Variants in GLIS3 observed in about 807,000 individuals in gnomAD.
GLIS3 encodes GLIS family zinc finger 3.
GLIS3 carries 53 observed loss-of-function variants against 78.6 expected under a neutral mutation model. The ratio of observed to expected loss-of-function variants is 0.67; its 90% confidence interval spans 0.54 to 0.85. The LOEUF (loss-of-function observed/expected upper bound fraction) is 0.85, where lower values mean the gene tolerates loss of function less well. Among genes scored for constraint, GLIS3 ranks in the 40% least tolerant of loss-of-function variants. The pLI, the probability that GLIS3 is intolerant of heterozygous loss-of-function variation, is 0.00. For synonymous variants in GLIS3, 684 were observed against 509.9 expected (o/e 1.34, Z -4.60); for missense variants, 1,703 against 1,231.1 (o/e 1.38, Z -5.74).
intron 6 of GLIS3, among the ~76,000 whole-genome samples, chr9:3,904,790 T>A (rs545073296): frequency 6.6e-6 from 1 of 152,218 alleles, no homozygotes; most frequent in South Asian, 2.1e-4. Context: ...AGATGAGAAA[T>A]CTAAAATAAA....
chr9:3,845,176 A>G (rs934551873), intron 9 of GLIS3, among the ~76,000 whole-genome samples: 7 of 152,200 alleles, frequency 4.6e-5, no homozygotes, highest in African/African-American at 1.2e-4. Context: ...ATGTTCATCA[A>G]TAAGGGAATG....
At chr9:4,453,121 G>A in the GLIS3 span, among the ~76,000 whole-genome samples, 2 of 152,278 alleles carry the variant, frequency 1.3e-5, no homozygotes, top group South Asian at 4.1e-4. Flanking sequence ...GTAGAAAGCT[G>A]AAACTGGATC....
intron 4 of GLIS3, among the ~76,000 whole-genome samples, chr9:4,024,913 C>G (rs894501443): frequency 1.3e-5 from 2 of 152,138 alleles, no homozygotes; most frequent in East Asian, 3.9e-4. Context: ...CTGTCGTGTT[C>G]ATCACTCGAT....
chr9:3,897,312 G>C (rs1822921940), intron 7 of GLIS3, among the ~76,000 whole-genome samples: 1 of 152,172 alleles, frequency 6.6e-6, no homozygotes. Flanking sequence ...AACTGAAGTA[G>C]TAGGGGAATG....
rs762314958 is a variant in GLIS3, at chr9:3,824,734, G to A, written c.*3538C>T. 9.2e-5 allele frequency: 14 copies of A among 152,458 alleles called. No homozygotes were observed. The highest frequency in any genetic ancestry group is 3.4e-4 in the African/African-American group (14 of 41,386). 9.4% of individuals were successfully genotyped at this position (152,458 alleles called of 1,614,324 possible). ...TGATATATGCAGTTCATTTCTCTACGTGAGTGTATATAACTATGTACAAGA... is the reference window on the plus strand; with the variant it reads ...TGATATATGCAGTTCATTTCTCTACATGAGTGTATATAACTATGTACAAGA... On this transcript the variant is annotated 3_prime_UTR_variant, in exon 11 of 11. Coordinates refer to ENST00000381971, the MANE Select transcript of GLIS3 (RefSeq NM_001042413.2).
intron 4 of GLIS3, among the ~76,000 whole-genome samples, chr9:3,964,424 C>A (rs148309455): frequency 3.3e-5 from 5 of 152,130 alleles, no homozygotes; most frequent in Non-Finnish European, 7.3e-5. Context: ...GTTACCCCCC[C>A]AAAAAGGAAC....
chr9:3,934,742 T>G (rs1037453237), intron 5 of GLIS3, among the ~76,000 whole-genome samples: 1 of 152,126 alleles, frequency 6.6e-6, no homozygotes, highest in African/African-American at 2.4e-5. Flanking sequence ...TTGGAGAAAG[T>G]TTGACTACAC....
At chr9:3,882,074 A>G (rs907621082) in intron 7 of GLIS3, among the ~76,000 whole-genome samples, 1 of 152,218 alleles carries the variant, frequency 6.6e-6, no homozygotes, top group Non-Finnish European at 1.5e-5. Flanking sequence ...TTAGCGGGCA[A>G]TTATTCCACA....
In GLIS3 at chr9:4,109,611, A is replaced by C. The variant is rs539131632; in HGVS notation, c.1710+8157T>G. Among the ~76,000 whole-genome samples the C allele has an allele frequency of 5.3e-5, 8 of 152,328 alleles. No homozygotes were observed. The East Asian group carries it at 1.5e-3, about 29-fold the overall frequency. ...TTTCATTTCACATCCACTGAAACAC[A>C]GTGCTTGCTACCTCAGTGATGCTAC... is the stretch of plus-strand genomic sequence containing the variant. On this transcript the variant is annotated intron_variant, in intron 4 of 10. Coordinates refer to ENST00000381971, the MANE Select transcript of GLIS3 (RefSeq NM_001042413.2).
At chr9:4,446,092 C>T in the GLIS3 span, among the ~76,000 whole-genome samples, 6 of 152,106 alleles carry the variant, frequency 3.9e-5, no homozygotes, top group Non-Finnish European at 8.8e-5. Flanking sequence ...AGGGTCAAAA[C>T]CAGCCCATGG....
intron 2 of GLIS3, among the ~76,000 whole-genome samples, chr9:4,208,537 G>T (rs1164700242): frequency 6.6e-6 from 1 of 152,180 alleles, no homozygotes; most frequent in Admixed American, 6.5e-5. Flanking sequence ...GCTGGAGTGG[G>T]CAGGATTGGA....
the GLIS3 span, among the ~76,000 whole-genome samples, chr9:4,420,114 A>G: frequency 3.9e-5 from 6 of 152,190 alleles, no homozygotes; most frequent in African/African-American, 1.4e-4. Context: ...GGGTCCAGGC[A>G]TGTGTGGTTC....
chr9:4,333,816 A>C (rs1272634683), intron 2 of GLIS3, among the ~76,000 whole-genome samples: 1 of 139,852 alleles, frequency 7.2e-6, no homozygotes, highest in East Asian at 2.1e-4. Context: ...ATATCCTCCC[A>C]AGAGAAATTA....
chr9:3,871,903 C>T (rs942632133), intron 8 of GLIS3, among the ~76,000 whole-genome samples: 2 of 152,224 alleles, frequency 1.3e-5, no homozygotes, highest in Non-Finnish European at 2.9e-5. Flanking sequence ...TCTTCTAATG[C>T]ATTGCCAGGC....
chr9:4,058,599 C>A (rs1054631057), intron 4 of GLIS3, among the ~76,000 whole-genome samples: 2 of 152,154 alleles, frequency 1.3e-5, no homozygotes, highest in Non-Finnish European at 2.9e-5. Context: ...TCTGTGTCTA[C>A]TTCTATTGAC....
intron 2 of GLIS3, among the ~76,000 whole-genome samples, chr9:4,182,638 CCT>C (rs755457233): frequency 2.0e-5 from 3 of 152,140 alleles, no homozygotes; most frequent in Non-Finnish European, 2.9e-5. Flanking sequence ...TCTTCATCTT[CCT>C]CTTTTATATG....
At chr9:3,937,249 G>T in intron 4 of GLIS3, 60 bp from the exon 5 acceptor site, 1 of 1,565,124 alleles carries the variant, frequency 6.4e-7, no homozygotes, top group Non-Finnish European at 8.8e-7. Context: ...GAGTCTGGGG[G>T]ACAGCTAAAA....
intron 2 of GLIS3, among the ~76,000 whole-genome samples, chr9:4,273,362 A>C (rs1001010577): frequency 6.6e-6 from 1 of 152,128 alleles, no homozygotes; most frequent in African/African-American, 2.4e-5. Context: ...CGGAAGGCTG[A>C]GGCAGGAGGG....
intron 1 of GLIS3, among the ~76,000 whole-genome samples, chr9:4,291,673 T>C (rs2130392108): frequency 6.6e-6 from 1 of 152,208 alleles, no homozygotes; most frequent in East Asian, 1.9e-4. Context: ...CTCCTCTTAG[T>C]CAATCCTCAT....
Sources: allele counts gnomAD v4.1 joint callset (sites outside exome capture counted in the v4.1 genomes callset), GRCh38; gene constraint gnomAD v4.1.1; transcripts MANE v1.5; gene names NCBI Gene and HGNC (gene_info 2026-07-23, HGNC 2026-07-21).